Variants in PDE4D observed in about 807,000 individuals in gnomAD.
PDE4D encodes 3',5'-cyclic-AMP phosphodiesterase 4D.
A neutral mutation model predicts 87.4 loss-of-function variants in PDE4D; 24 were observed. That is an observed-to-expected ratio of 0.27 (90% confidence interval 0.20 to 0.39). The LOEUF is 0.39. Among genes scored for constraint, PDE4D ranks in the 10% least tolerant of loss-of-function variants. PDE4D has a pLI of 1.00. For missense variants in PDE4D, 714 were observed against 1,041.0 expected, an observed-to-expected ratio of 0.69 and a Z score of 4.32; for synonymous variants, 384 against 383.2, an observed-to-expected ratio of 1.00 and a Z score of -0.02.
intron 1 of PDE4D, among the ~76,000 whole-genome samples, chr5:59,239,014 C>T (rs1023365270): frequency 5.3e-5 from 8 of 152,092 alleles, no homozygotes; most frequent in Non-Finnish European, 2.9e-5. Flanking sequence ...ATTCTTGTTA[C>T]CAAAATAAAT....
chr5:60,187,994 TCTCAC>T (rs1386471756), intron 1 of PDE4D, among the ~76,000 whole-genome samples: 1 of 152,154 alleles, frequency 6.6e-6, no homozygotes, highest in Non-Finnish European at 1.5e-5. Context: ...GGTATTTGGG[TCTCAC>T]CATCATCATA....
chr5:59,955,975 C>T (rs1364073222), intron 3 of PDE4D, among the ~76,000 whole-genome samples: 1 of 152,160 alleles, frequency 6.6e-6, no homozygotes, highest in African/African-American at 2.4e-5. Context: ...TCCTCACTGA[C>T]ACAGTTATAG....
chr5:60,082,143 GC>G (rs1341842389), intron 2 of PDE4D, among the ~76,000 whole-genome samples: 1 of 152,044 alleles, frequency 6.6e-6, no homozygotes, highest in Non-Finnish European at 1.5e-5. Flanking sequence ...ATGTTTTTCT[GC>G]CCCCCAAAAT....
intron 5 of PDE4D, among the ~76,000 whole-genome samples, chr5:59,079,397 G>C (rs1316740736): frequency 6.6e-6 from 1 of 152,086 alleles, no homozygotes; most frequent in Non-Finnish European, 1.5e-5. Context: ...GTAAAAAAAT[G>C]TTATTTCATT....
At chr5:59,085,655 G>A (rs1767539852) in intron 5 of PDE4D, among the ~76,000 whole-genome samples, 2 of 152,180 alleles carry the variant, frequency 1.3e-5, no homozygotes. Flanking sequence ...ACGGCAAAAT[G>A]TGCGGATACC....
intron 1 of PDE4D, among the ~76,000 whole-genome samples, chr5:59,226,502 A>G (rs1157442283): frequency 1.3e-5 from 2 of 152,130 alleles, no homozygotes; most frequent in African/African-American, 4.8e-5. Flanking sequence ...GGAGGGAGAA[A>G]TGGAGAGTTG....
intron 6 of PDE4D, among the ~76,000 whole-genome samples, chr5:59,008,228 A>G (rs1287290631): frequency 1.3e-5 from 2 of 152,038 alleles, no homozygotes; most frequent in African/African-American, 2.4e-5. Context: ...GTCTCCTTAT[A>G]GAGAAAATTA....
intron 3 of PDE4D, among the ~76,000 whole-genome samples, chr5:59,922,946 T>C (rs1013154883): frequency 3.3e-5 from 5 of 152,114 alleles, no homozygotes; most frequent in Admixed American, 3.3e-4. Flanking sequence ...ACAGCAGTTA[T>C]GAACCTGCCC....
At chr5:59,789,179 G>T (rs1393424825) in intron 1 of PDE4D, among the ~76,000 whole-genome samples, 1 of 152,176 alleles carries the variant, frequency 6.6e-6, no homozygotes, top group Non-Finnish European at 1.5e-5. Flanking sequence ...GCTCAGATGG[G>T]CATGACAGTT....
At chr5:59,791,309 C>G (rs1316295730) in intron 1 of PDE4D, among the ~76,000 whole-genome samples, 1 of 152,234 alleles carries the variant, frequency 6.6e-6, no homozygotes, top group Non-Finnish European at 1.5e-5. Context: ...TGATCTTAGC[C>G]AAAGGCTAAA....
intron 1 of PDE4D, among the ~76,000 whole-genome samples, chr5:59,398,183 C>A (rs200216969): frequency 7.2e-6 from 1 of 138,374 alleles, no homozygotes; most frequent in Admixed American, 7.2e-5. Flanking sequence ...CCTTCTGAAA[C>A]TATTCCAATC....
At chr5:59,534,577 C>T (rs1049007360) in intron 1 of PDE4D, among the ~76,000 whole-genome samples, 3 of 152,174 alleles carry the variant, frequency 2.0e-5, no homozygotes, top group Non-Finnish European at 4.4e-5. Flanking sequence ...TCCACAAGAG[C>T]AGCAGAATAG....
chr5:59,268,406 G>A (rs27723), intron 1 of PDE4D, among the ~76,000 whole-genome samples: 107,098 of 151,902 alleles, frequency 0.71, 38,540 homozygotes, highest in Admixed American at 0.75. Flanking sequence ...TCACTGGCAC[G>A]GGCTCTCATT....
At chr5:59,668,854 A>AGAG (rs1561441385) in intron 1 of PDE4D, among the ~76,000 whole-genome samples, 1 of 56,666 alleles carries the variant, frequency 1.8e-5, no homozygotes, top group African/African-American at 9.1e-5. Context: ...AGGAAGAAGA[A>AGAG]GAAGAAGAAG....
At chr5:59,687,207 G>A (rs1171824631) in intron 1 of PDE4D, among the ~76,000 whole-genome samples, 1 of 151,932 alleles carries the variant, frequency 6.6e-6, no homozygotes, top group East Asian at 1.9e-4. Flanking sequence ...CACCCTAAAA[G>A]AAAATTACCC....
At chr5:60,244,769 C>T (rs1747528350) in intron 1 of PDE4D, among the ~76,000 whole-genome samples, 1 of 151,940 alleles carries the variant, frequency 6.6e-6, no homozygotes, top group Non-Finnish European at 1.5e-5. Flanking sequence ...GAAACCCAAT[C>T]CCTATCTCTC....
intron 7 of PDE4D, 85 bp from the exon 8 acceptor site, chr5:58,992,089 A>G: frequency 1.2e-6 from 1 of 811,570 alleles, no homozygotes; most frequent in Non-Finnish European, 1.7e-6. Flanking sequence ...ATTATAATTG[A>G]TCATTATATA....
intron 1 of PDE4D, among the ~76,000 whole-genome samples, chr5:59,537,234 C>A (rs1186143785): frequency 6.6e-6 from 1 of 152,184 alleles, no homozygotes; most frequent in African/African-American, 2.4e-5. Flanking sequence ...CTTTGACCAA[C>A]TCTTAACTGT....
chr5:60,414,112 A>G (rs1583672731), intron 1 of PDE4D, among the ~76,000 whole-genome samples: 1 of 152,228 alleles, frequency 6.6e-6, no homozygotes, highest in East Asian at 1.9e-4. Flanking sequence ...CTTGTCTGTC[A>G]TACACAGTAG....
Sources: allele counts gnomAD v4.1 joint callset (sites outside exome capture counted in the v4.1 genomes callset), GRCh38; gene constraint gnomAD v4.1.1; transcripts MANE v1.5; gene names NCBI Gene and HGNC (gene_info 2026-07-23, HGNC 2026-07-21).